ARHGAP10: variants seen among roughly 807,000 people sequenced by gnomAD.
The protein encoded by ARHGAP10 is rho GTPase-activating protein 10.
In ARHGAP10, 87 loss-of-function variants were observed where a neutral mutation model predicts 108.6. The observed-to-expected ratio is 0.80, with a 90% CI of 0.67 to 0.96. The LOEUF is 0.96. Among genes scored for constraint, ARHGAP10 ranks in the 40% least tolerant of loss-of-function variants. The pLI, the probability that ARHGAP10 is intolerant of heterozygous loss-of-function variation, is 0.00. For missense variants in ARHGAP10, 939 were observed against 954.5 expected, an observed-to-expected ratio of 0.98 and a Z score of 0.21; for synonymous variants, 347 against 341.1, an observed-to-expected ratio of 1.02 and a Z score of -0.19.
At chr4:147,914,603 A>T (rs1392480614) in intron 13 of ARHGAP10, among the ~76,000 whole-genome samples, 1 of 144,138 alleles carries the variant, frequency 6.9e-6, no homozygotes, top group Non-Finnish European at 1.5e-5. Context: ...TTTTTGTACA[A>T]ATGGAATCAT....
intron 3 of ARHGAP10, among the ~76,000 whole-genome samples, chr4:147,843,410 T>C (rs972803622): frequency 6.6e-6 from 1 of 152,200 alleles, no homozygotes; most frequent in Non-Finnish European, 1.5e-5. Context: ...CACCTGTCAG[T>C]CATAAATCAA....
At chr4:148,071,935 C>G in intron 22 of ARHGAP10, 58 bp from the exon 23 acceptor site, 1 of 1,481,058 alleles carries the variant, frequency 6.8e-7, no homozygotes. Context: ...TAAGTGAACA[C>G]CCAGGAGGCA....
At chr4:147,914,500 G>C (rs1389306672) in intron 13 of ARHGAP10, among the ~76,000 whole-genome samples, 1 of 150,834 alleles carries the variant, frequency 6.6e-6, no homozygotes, top group Non-Finnish European at 1.5e-5. Context: ...TGGAATTATA[G>C]ACATGAGCCA....
intron 1 of ARHGAP10, among the ~76,000 whole-genome samples, chr4:147,796,504 T>C (rs1401885229): frequency 1.3e-5 from 2 of 152,000 alleles, no homozygotes; most frequent in African/African-American, 4.8e-5. Context: ...GTTCATCTCT[T>C]TTTTTCCTTA....
intron 7 of ARHGAP10, among the ~76,000 whole-genome samples, chr4:147,869,869 A>G (rs1734729811): frequency 6.6e-6 from 1 of 152,140 alleles, no homozygotes. Flanking sequence ...ATCATCTGCT[A>G]TACCTCAGTG....
intron 1 of ARHGAP10, among the ~76,000 whole-genome samples, chr4:147,748,723 C>A (rs1578996691): frequency 6.6e-6 from 1 of 152,084 alleles, no homozygotes; most frequent in Admixed American, 6.5e-5. Flanking sequence ...GTAATTCCAG[C>A]AATTTGGGAG....
chr4:147,990,603 A>G (rs1740233290), intron 18 of ARHGAP10, among the ~76,000 whole-genome samples: 8 of 152,218 alleles, frequency 5.3e-5, no homozygotes, highest in Admixed American at 5.2e-4. Context: ...ATGGAGTACT[A>G]AAAAGAACAA....
At chr4:147,985,772 C>T (rs1411112957) in intron 18 of ARHGAP10, among the ~76,000 whole-genome samples, 2 of 152,188 alleles carry the variant, frequency 1.3e-5, no homozygotes, top group Admixed American at 1.3e-4. Flanking sequence ...GTGTGTCCGT[C>T]TCAGCGTCTG....
At chr4:147,732,769 C>T (rs1028529906) in intron 1 of ARHGAP10, among the ~76,000 whole-genome samples, 21 of 152,196 alleles carry the variant, frequency 1.4e-4, no homozygotes, top group African/African-American at 4.6e-4. Flanking sequence ...GCTGGACCGA[C>T]CCTAGGCACT....
intron 19 of ARHGAP10, among the ~76,000 whole-genome samples, chr4:148,031,223 A>G (rs1178664265): frequency 1.3e-5 from 2 of 152,194 alleles, no homozygotes; most frequent in African/African-American, 2.4e-5. Flanking sequence ...TATCTTGGCT[A>G]TTTTTTAAAA....
At chr4:147,932,364 A>G (rs1410846650) in intron 13 of ARHGAP10, among the ~76,000 whole-genome samples, 1 of 152,182 alleles carries the variant, frequency 6.6e-6, no homozygotes, top group African/African-American at 2.4e-5. Flanking sequence ...TGTTCACTAC[A>G]TTACTTTTCA....
At position 147,820,331 on chromosome 4, in the gene ARHGAP10, G is replaced by T. The variant is rs149476590; in HGVS notation, c.155-2396G>T. ...GAGACAGTCTCATTCTCTAACCCAG[G>T]CTGGAGTGCAGTGGTGTGATCCTGG... On this transcript the variant is annotated intron_variant, in intron 1 of 22. Transcript: ENST00000336498. Among the ~76,000 whole-genome samples the T allele has an allele frequency of 5.0e-3, 768 of 152,212 alleles. 3 individuals carry two copies. The highest frequency in any genetic ancestry group is 9.1e-3 in the Non-Finnish European group (617 of 67,994).
chr4:148,016,074 C>A (rs1206402408), intron 18 of ARHGAP10, among the ~76,000 whole-genome samples: 1 of 152,170 alleles, frequency 6.6e-6, no homozygotes, highest in African/African-American at 2.4e-5. Context: ...AAGTCAAGCA[C>A]TTGGCATAAT....
At chr4:147,753,939 A>G (rs922736598) in intron 1 of ARHGAP10, among the ~76,000 whole-genome samples, 1 of 152,194 alleles carries the variant, frequency 6.6e-6, no homozygotes, top group Admixed American at 6.5e-5. Context: ...ACATTATTTC[A>G]TAGTTTGGGG....
At chr4:148,049,936 C>T (rs894298768) in intron 20 of ARHGAP10, among the ~76,000 whole-genome samples, 8 of 151,806 alleles carry the variant, frequency 5.3e-5, no homozygotes, top group Non-Finnish European at 8.8e-5. Context: ...GGCATGATCT[C>T]GGCTCACTGC....
intron 20 of ARHGAP10, among the ~76,000 whole-genome samples, chr4:148,057,535 T>C (rs1471899517): frequency 6.6e-6 from 1 of 152,234 alleles, no homozygotes; most frequent in Non-Finnish European, 1.5e-5. Context: ...TACTAGTGCC[T>C]GCCTGTTGCA....
intron 1 of ARHGAP10, among the ~76,000 whole-genome samples, chr4:147,784,837 T>TA (rs1560757053): frequency 1.0e-5 from 1 of 98,032 alleles, no homozygotes; most frequent in African/African-American, 4.1e-5. Flanking sequence ...TATAAATATA[T>TA]TATAAAATAT....
intron 10 of ARHGAP10, among the ~76,000 whole-genome samples, chr4:147,888,612 T>C (rs1387735335): frequency 1.3e-5 from 2 of 152,206 alleles, no homozygotes; most frequent in African/African-American, 2.4e-5. Flanking sequence ...GTTCATATCC[T>C]TTAGTCTAAA....
chr4:147,935,704 A>C (rs948446595), intron 13 of ARHGAP10, among the ~76,000 whole-genome samples: 2 of 152,210 alleles, frequency 1.3e-5, no homozygotes, highest in Admixed American at 1.3e-4. Context: ...TTCATAGATA[A>C]AAAGTATGTT....
Sources: allele counts gnomAD v4.1 joint callset (sites outside exome capture counted in the v4.1 genomes callset), GRCh38; gene constraint gnomAD v4.1.1; transcripts MANE v1.5; gene names NCBI Gene and HGNC (gene_info 2026-07-23, HGNC 2026-07-21).